The following C2CD3 variants were observed in gnomAD, a reference collection of about 807,000 sequenced individuals.
C2CD3 encodes C2 domain-containing protein 3.
In C2CD3, 148 loss-of-function variants were observed where a neutral mutation model predicts 234.0. The observed-to-expected ratio is 0.63, with a 90% confidence interval of 0.55 to 0.72. The LOEUF (loss-of-function observed/expected upper bound fraction) is 0.72, where lower values mean the gene tolerates loss of function less well. C2CD3 is among the 30% of genes least tolerant of loss of function. The pLI is 0.00. For missense variants in C2CD3, 2,577 were observed against 2,811.5 expected (o/e 0.92, Z 1.89); for synonymous variants, 1,000 against 1,035.4 (o/e 0.97, Z 0.66).
intron 22 of C2CD3, among the ~76,000 whole-genome samples, chr11:74,083,558 A>G (rs1481803883): frequency 6.6e-6 from 1 of 152,254 alleles, no homozygotes; most frequent in Non-Finnish European, 1.5e-5. Flanking sequence ...CAAAGGGCTA[A>G]TATCCAGAAT....
intron 16 of C2CD3, among the ~76,000 whole-genome samples, chr11:74,096,137 CTTCA>C (rs1439292472): frequency 6.6e-6 from 1 of 152,130 alleles, no homozygotes; most frequent in East Asian, 1.9e-4. Context: ...AACAGCTCAC[CTTCA>C]TTAAGTGATT....
At chr11:74,084,755 A>T (rs2135474434) in intron 22 of C2CD3, 126 bp downstream of exon 22, 2 of 610,780 alleles carry the variant, frequency 3.3e-6, no homozygotes, top group Middle Eastern at 5.2e-4. Flanking sequence ...GAGAGAGTTC[A>T]GAAGCATGTG....
intron 30 of C2CD3, chr11:74,036,030 TTG>T (rs1952728732): frequency 5.9e-6 from 1 of 168,860 alleles, no homozygotes; most frequent in African/African-American, 2.4e-5. Flanking sequence ...CAGCTAAATT[TTG>T]TGTTTTTAGT....
intron 12 of C2CD3, among the ~76,000 whole-genome samples, chr11:74,107,544 T>C (rs1262843811): frequency 4.6e-5 from 7 of 152,206 alleles, no homozygotes; most frequent in Admixed American, 1.3e-4. Flanking sequence ...TTAACTGTTA[T>C]AATGTTTGAT....
intron 15 of C2CD3, among the ~76,000 whole-genome samples, chr11:74,099,534 G>A (rs535953176): frequency 5.9e-5 from 9 of 152,308 alleles, no homozygotes; most frequent in East Asian, 1.9e-4. Flanking sequence ...ACAGAACTAT[G>A]AGAAGGCTGC....
chr11:74,161,317 CCT>C (rs759783225), intron 3 of C2CD3, 80 bp downstream of exon 3: 13 of 766,272 alleles, frequency 1.7e-5, no homozygotes, highest in Non-Finnish European at 2.7e-5. Flanking sequence ...GAGCCATGGA[CCT>C]ATCCATTCTA....
At chr11:74,148,319 A>C (rs1855351423) in intron 3 of C2CD3, among the ~76,000 whole-genome samples, 2 of 152,032 alleles carry the variant, frequency 1.3e-5, no homozygotes, top group African/African-American at 2.4e-5. Context: ...CAAAAGAAAA[A>C]AGCTATAGTT....
intron 3 of C2CD3, among the ~76,000 whole-genome samples, chr11:74,152,861 G>GT (rs1855753388): frequency 6.6e-6 from 1 of 152,166 alleles, no homozygotes; most frequent in African/African-American, 2.4e-5. Context: ...TTTGGGAAAA[G>GT]TGTTCTTAAA....
At chr11:74,045,613 C>A (rs919068691) in intron 28 of C2CD3, among the ~76,000 whole-genome samples, 1 of 151,214 alleles carries the variant, frequency 6.6e-6, no homozygotes, top group Non-Finnish European at 1.5e-5. Flanking sequence ...ACTCTGTTGC[C>A]TAGGCTGGAG....
chr11:74,062,794 T>C (rs981246183), intron 24 of C2CD3, among the ~76,000 whole-genome samples: 14 of 146,622 alleles, frequency 9.5e-5, no homozygotes, highest in African/African-American at 3.1e-4. Context: ...TTGAAGGAGA[T>C]AGAGACACAA....
At chr11:74,048,780 G>A (rs75474703) in intron 27 of C2CD3, among the ~76,000 whole-genome samples, 3,269 of 152,270 alleles carry the variant, frequency 0.021, 67 homozygotes, top group African/African-American at 0.046. Flanking sequence ...CAGTATTTAT[G>A]GATGACCACT....
intron 4 of C2CD3, among the ~76,000 whole-genome samples, chr11:74,139,206 C>T (rs1957966161): frequency 6.6e-6 from 1 of 152,184 alleles, no homozygotes; most frequent in African/African-American, 2.4e-5. Flanking sequence ...AAACGAAGAG[C>T]TCAGCAGAGC....
At chr11:74,132,793 A>G in intron 7 of C2CD3, 51 bp downstream of exon 7, 2 of 1,571,742 alleles carry the variant, frequency 1.3e-6, no homozygotes, top group African/African-American at 1.4e-5. Context: ...AATGCATACT[A>G]TGAATTGGAG....
intron 29 of C2CD3, among the ~76,000 whole-genome samples, chr11:74,039,762 A>G (rs1327765576): frequency 1.3e-5 from 2 of 152,198 alleles, no homozygotes; most frequent in Non-Finnish European, 2.9e-5. Context: ...TACAATGCGC[A>G]GAACTGACCC....
chr11:74,118,114 T>C (rs1957090272), intron 9 of C2CD3, 114 bp downstream of exon 9: 4 of 674,904 alleles, frequency 5.9e-6, no homozygotes, highest in South Asian at 4.9e-5. Flanking sequence ...TACTGAGTTA[T>C]TGTAATTAAT....
intron 3 of C2CD3, among the ~76,000 whole-genome samples, chr11:74,161,048 G>A (rs1468982319): frequency 2.0e-5 from 3 of 152,112 alleles, no homozygotes; most frequent in South Asian, 2.1e-4. Context: ...AAACTAAAAC[G>A]AAGAGGAATT....
intron 32 of C2CD3, among the ~76,000 whole-genome samples, chr11:74,023,851 G>A (rs1300819957): frequency 1.3e-5 from 2 of 152,164 alleles, no homozygotes; most frequent in Non-Finnish European, 2.9e-5. Context: ...GAAGGAGTTG[G>A]TGTCTCCATC....
chr11:74,120,319 G>A (rs1422691827), intron 8 of C2CD3, among the ~76,000 whole-genome samples: 4 of 151,878 alleles, frequency 2.6e-5, no homozygotes, highest in Non-Finnish European at 5.9e-5. Context: ...GATGTTCCCC[G>A]CCCCGTGTCT....
At chr11:74,116,598 C>T (rs998614155) in intron 9 of C2CD3, among the ~76,000 whole-genome samples, 2 of 151,832 alleles carry the variant, frequency 1.3e-5, no homozygotes, top group Non-Finnish European at 2.9e-5. Flanking sequence ...GTAGAACTAC[C>T]ATTTGACCCA....
Sources: allele counts gnomAD v4.1 joint callset (sites outside exome capture counted in the v4.1 genomes callset), GRCh38; gene constraint gnomAD v4.1.1; transcripts MANE v1.5; gene names NCBI Gene and HGNC (gene_info 2026-07-23, HGNC 2026-07-21).